TRDN: variants seen among roughly 807,000 people sequenced by gnomAD.
TRDN encodes triadin in skeletal muscle.
TRDN carries 161 observed loss-of-function variants against 149.7 expected under a neutral mutation model. That is an observed-to-expected ratio of 1.08 (90% CI 0.95 to 1.23). TRDN has a LOEUF of 1.23. TRDN is among the 50% of genes most tolerant of loss of function. The probability of loss-of-function intolerance (pLI) is 0.00; values close to 1 mark genes in which losing one functional copy is unlikely to be tolerated. For synonymous variants in TRDN, 294 were observed against 250.5 expected, an observed-to-expected ratio of 1.17 and a Z score of -1.64; for missense variants, 896 against 823.5, an observed-to-expected ratio of 1.09 and a Z score of -1.08.
intron 1 of TRDN, among the ~76,000 whole-genome samples, chr6:123,624,006 C>T (rs140207738): frequency 6.8e-4 from 103 of 152,134 alleles, no homozygotes; most frequent in Non-Finnish European, 7.4e-5. Flanking sequence ...AACTGGCAGC[C>T]CAGTGTCAGA....
intron 1 of TRDN, among the ~76,000 whole-genome samples, chr6:123,628,894 A>C (rs373343792): frequency 9.7e-4 from 147 of 152,252 alleles, no homozygotes; most frequent in African/African-American, 3.3e-3. Flanking sequence ...GATGATAATT[A>C]ATACCATAGA....
At chr6:123,268,294 G>A (rs746576227) in intron 31 of TRDN, among the ~76,000 whole-genome samples, 5 of 151,792 alleles carry the variant, frequency 3.3e-5, no homozygotes, top group Non-Finnish European at 5.9e-5. Flanking sequence ...TCCCTTTCCA[G>A]GTTTTCTTAA....
intron 2 of TRDN, among the ~76,000 whole-genome samples, chr6:123,566,992 TA>T (rs1335112043): frequency 1.8e-4 from 27 of 152,318 alleles, no homozygotes; most frequent in African/African-American, 6.5e-4. Context: ...TTAGATTACT[TA>T]AAATAAGGCA....
At chr6:123,583,123 A>G (rs1432857823) in intron 1 of TRDN, among the ~76,000 whole-genome samples, 2 of 142,998 alleles carry the variant, frequency 1.4e-5, no homozygotes, top group African/African-American at 4.9e-5. Context: ...CCTGCCAGCA[A>G]AGATTATTTA....
chr6:123,538,548 TG>T (rs1780665846), intron 4 of TRDN, among the ~76,000 whole-genome samples: 1 of 152,132 alleles, frequency 6.6e-6, no homozygotes, highest in Admixed American at 6.5e-5. Context: ...CTCTCCCCCT[TG>T]AAGCACCTAG....
intron 4 of TRDN, among the ~76,000 whole-genome samples, chr6:123,536,435 T>C (rs977957819): frequency 2.6e-5 from 4 of 152,116 alleles, no homozygotes; most frequent in Non-Finnish European, 4.4e-5. Context: ...CTAAAATGAT[T>C]ATACTTGAAA....
intron 38 of TRDN, among the ~76,000 whole-genome samples, chr6:123,234,197 T>A (rs566412162): frequency 2.0e-5 from 3 of 152,100 alleles, no homozygotes; most frequent in Non-Finnish European, 4.4e-5. Context: ...ATGAATTTAG[T>A]GCTAATTTGT....
At chr6:123,560,838 A>T (rs997145721) in intron 2 of TRDN, among the ~76,000 whole-genome samples, 1 of 152,154 alleles carries the variant, frequency 6.6e-6, no homozygotes, top group Non-Finnish European at 1.5e-5. Context: ...CATGTAGGTT[A>T]CAAGCCACTA....
At chr6:123,272,798 C>CA (rs146422315) in intron 29 of TRDN, among the ~76,000 whole-genome samples, 166 bp downstream of exon 29, 8 of 150,554 alleles carry the variant, frequency 5.3e-5, no homozygotes, top group Non-Finnish European at 8.9e-5. Context: ...GTTCTCAGCA[C>CA]AAAAAAAAAT....
At chr6:123,337,487 T>G in intron 22 of TRDN, 132 bp downstream of exon 22, 1 of 317,400 alleles carries the variant, frequency 3.2e-6, no homozygotes, top group Non-Finnish European at 5.7e-6. Flanking sequence ...ACACAAGTTT[T>G]TAAAAATATG....
chr6:123,563,798 G>GTTTGTTTTTGTTTTTGTC (rs1313282667), intron 2 of TRDN, among the ~76,000 whole-genome samples: 1 of 151,968 alleles, frequency 6.6e-6, no homozygotes, highest in East Asian at 1.9e-4. Flanking sequence ...TTACTTTTTT[G>GTTTGTTTTTGTTTTTGTC]TTTGTTTTTG....
chr6:123,306,045 G>A (rs955173614), intron 24 of TRDN, among the ~76,000 whole-genome samples: 3 of 152,104 alleles, frequency 2.0e-5, no homozygotes, highest in Non-Finnish European at 4.4e-5. Context: ...TTTATTATAT[G>A]TTTACTGACG....
chr6:123,458,999 T>C lies in TRDN; in HGVS notation c.931+5907A>G, dbSNP rs542457059. Among the ~76,000 whole-genome samples the C allele has an allele frequency of 2.0e-5, 3 of 152,356 alleles. No homozygotes were observed. The South Asian group carries it at 6.2e-4, about 32-fold the overall frequency. On this transcript the variant is annotated intron_variant, in intron 10 of 40. Transcript: ENST00000334268. ...TATAATATATTAAGCTGCCCAAAAG[T>C]GTTTTGTCATGAAAACTGTTTTTAA... is the stretch of plus-strand genomic sequence containing the variant.
At chr6:123,336,655 C>T (rs1357807853) in intron 22 of TRDN, among the ~76,000 whole-genome samples, 11 of 151,468 alleles carry the variant, frequency 7.3e-5, no homozygotes, top group Admixed American at 4.6e-4. Context: ...TTTTTTGCAT[C>T]CTTTGTGTCT....
intron 23 of TRDN, among the ~76,000 whole-genome samples, chr6:123,317,156 G>A (rs537597965): frequency 1.4e-4 from 21 of 151,872 alleles, no homozygotes; most frequent in African/African-American, 4.8e-4. Context: ...AATACTCATA[G>A]CACAACCCTA....
chr6:123,268,767 A>C (rs1777102829), intron 31 of TRDN, among the ~76,000 whole-genome samples: 1 of 152,084 alleles, frequency 6.6e-6, no homozygotes, highest in Middle Eastern at 3.2e-3. Context: ...CATGAACTGA[A>C]TTTGCATAAA....
chr6:123,559,296 A>G (rs1375314191), intron 2 of TRDN, among the ~76,000 whole-genome samples: 1 of 152,008 alleles, frequency 6.6e-6, no homozygotes, highest in Admixed American at 6.6e-5. Context: ...AGGCTTCTAA[A>G]CCTCTTAAAA....
chr6:123,230,724 T>C (rs959815729), intron 38 of TRDN, among the ~76,000 whole-genome samples: 1 of 151,950 alleles, frequency 6.6e-6, no homozygotes, highest in African/African-American at 2.4e-5. Context: ...TCATAATGTA[T>C]ATTTTGTGAT....
chr6:123,432,659 AC>A (rs1774381099), intron 12 of TRDN, among the ~76,000 whole-genome samples: 2 of 151,896 alleles, frequency 1.3e-5, no homozygotes, highest in Non-Finnish European at 2.9e-5. Flanking sequence ...CAAAATCTAC[AC>A]TTTAGTCTCC....
Sources: allele counts gnomAD v4.1 joint callset (sites outside exome capture counted in the v4.1 genomes callset), GRCh38; gene constraint gnomAD v4.1.1; transcripts MANE v1.5; gene names NCBI Gene and HGNC (gene_info 2026-07-23, HGNC 2026-07-21).